The following ZNF384 variants were observed in gnomAD, a reference collection of about 807,000 sequenced individuals.
ZNF384 encodes the protein zinc finger protein 384, also known as CAG repeat protein 1.
ZNF384 carries 20 observed loss-of-function variants against 65.0 expected under a neutral mutation model. The ratio of observed to expected loss-of-function variants is 0.31; its 90% CI spans 0.22 to 0.45. The LOEUF is 0.45. Among genes scored for constraint, ZNF384 ranks in the 20% least tolerant of loss-of-function variants. ZNF384 has a pLI of 1.00. For missense variants in ZNF384, 549 were observed against 769.4 expected, an observed-to-expected ratio of 0.71 and a Z score of 3.39; for synonymous variants, 310 against 303.9, an observed-to-expected ratio of 1.02 and a Z score of -0.21.
At chr12:6,684,874 T>C (rs1020529989) in intron 2 of ZNF384, among the ~76,000 whole-genome samples, 2 of 152,158 alleles carry the variant, frequency 1.3e-5, no homozygotes, top group African/African-American at 4.8e-5. Context: ...TGGGGCCAGA[T>C]CACTCAAATA....
Position 6,678,265 on chromosome 12 carries a change from C to T in ZNF384, c.548G>A (p.Gly183Asp), listed in dbSNP as rs1296686563. The T allele has an allele frequency of 1.2e-6, 2 of 1,614,162 alleles. No homozygotes were observed. Among genetic ancestry groups the T allele is most frequent in the Admixed American group, 1.7e-5 (1 of 60,026 alleles). ...TEEGGGGGGG[G>D]GSVAPKPPRG... ...GGGTGGCTTAGGAGCCACACTGCCA[C>T]CTCCACCACCACCTCCGCCTCCTTC... Residue 183 changes from glycine to aspartate, a missense_variant, in exon 6 of 12, where the codon GGT becomes GAT. By Grantham distance (94) the Gly-to-Asp change is moderately conservative. This residue lies in a region of ZNF384 where 277 missense variants were observed against 337.2 expected (regional missense o/e 0.82). Coordinates refer to ENST00000683879, the MANE Select transcript of ZNF384 (RefSeq NM_001385745.1). The surrounding 1 kb of genome is among the most constrained non-coding windows in gnomAD (Gnocchi z 4.9).
In ZNF384 at chr12:6,667,664, A is replaced by C. The variant is rs375317183; in HGVS notation, c.*50T>G. 96 of 1,612,434 alleles carry C rather than the reference A, an allele frequency of 6.0e-5. 1 individual carries two copies. Among genetic ancestry groups the C allele is most frequent in the African/African-American group, 2.8e-4 (21 of 74,902 alleles). On this transcript the variant is annotated 3_prime_UTR_variant, in exon 12 of 12. Coordinates refer to ENST00000683879, the MANE Select transcript of ZNF384 (RefSeq NM_001385745.1). ...TTTCCCACCAAGAGTTGGAGAAAGA[A>C]GACACCAGGACTACTTCTTCCTCTT...
Position 6,670,860 on chromosome 12 carries a change from A to C in ZNF384, c.1188-22T>G, listed in dbSNP as rs1282260486. ...GATTCTGCACAGGATAAGAGAAAAAAGGGAAAGAATGTCAGCAAGACCATT... is the reference window on the plus strand; with the variant it reads ...GATTCTGCACAGGATAAGAGAAAAACGGGAAAGAATGTCAGCAAGACCATT... On this transcript the variant is annotated intron_variant, in intron 9 of 11. Coordinates refer to ENST00000683879, the MANE Select transcript of ZNF384 (RefSeq NM_001385745.1). The C allele has an allele frequency of 3.1e-6, 5 of 1,608,764 alleles. No individual in the cohort carries two copies. In the Admixed American group the frequency reaches 5.0e-5, roughly 16 times the overall value.
intron 2 of ZNF384, among the ~76,000 whole-genome samples, chr12:6,685,835 A>G (rs1450383538): frequency 6.6e-6 from 1 of 151,940 alleles, no homozygotes; most frequent in Admixed American, 6.6e-5. Context: ...GTTGGAGAGT[A>G]ATTTTCTCTT....
Position 6,669,057 on chromosome 12 carries a change from T to G in ZNF384, c.1399A>C (p.Thr467Pro). 1 of 1,612,386 alleles carries G rather than the reference T, an allele frequency of 6.2e-7. No individual in the cohort carries two copies. The highest frequency in any genetic ancestry group is 8.5e-7 in the Non-Finnish European group (1 of 1,178,898). ...GATGTGTATGCCCGACTGCAGATAGTGCAGGTGTACACCTTGGCATGCTTC... is the reference window on the plus strand; with the variant it reads ...GATGTGTATGCCCGACTGCAGATAGGGCAGGTGTACACCTTGGCATGCTTC... ...TVKHAKVYTC[T>P]ICSRAYTSET... The change falls in exon 11 of 12, where the codon ACT becomes CCT. Residue 467 changes from threonine (T) to proline (P), a missense_variant. Physicochemically the swap from Thr to Pro is conservative, Grantham distance 38. Transcript: ENST00000683879.
Position 6,672,993 on chromosome 12 carries a change from A to G in ZNF384, c.1004+223T>C. ...ATTTCCAAACACAGACACAGAGAGA[A>G]ACCACAAAAATTGTTCCAGACTTTG... On this transcript the variant is annotated intron_variant, in intron 8 of 11. Transcript: ENST00000683879. The surrounding 1 kb of genome is among the most constrained non-coding windows in gnomAD (Gnocchi z 4.4). 1.8e-6 allele frequency: 1 copy of G among 561,868 alleles called. No individual in the cohort carries two copies. Among genetic ancestry groups the G allele is most frequent in the Admixed American group, 3.1e-5 (1 of 32,124 alleles). 34.8% of individuals were successfully genotyped at this position (561,868 alleles called of 1,614,324 possible).
intron 7 of ZNF384, among the ~76,000 whole-genome samples, chr12:6,674,947 T>C (rs891841062): frequency 2.6e-5 from 4 of 152,254 alleles, no homozygotes; most frequent in African/African-American, 9.6e-5. Flanking sequence ...GAAGGGCAAC[T>C]GTACTAAAGT....
At chr12:6,674,065 T>C (rs1952584090) in intron 7 of ZNF384, among the ~76,000 whole-genome samples, 1 of 152,180 alleles carries the variant, frequency 6.6e-6, no homozygotes. Context: ...TACCCACCCC[T>C]TGCCCACAGC....
At chr12:6,677,846 CAA>C (rs1318030655) in intron 6 of ZNF384, among the ~76,000 whole-genome samples, 1 of 152,162 alleles carries the variant, frequency 6.6e-6, no homozygotes, top group Admixed American at 6.5e-5. Context: ...AGCCTTATTA[CAA>C]GAGAGAAATT....
intron 2 of ZNF384, among the ~76,000 whole-genome samples, chr12:6,680,087 G>A (rs1202288904): frequency 6.6e-6 from 1 of 152,204 alleles, no homozygotes; most frequent in Non-Finnish European, 1.5e-5. Context: ...CAGCCTCCCA[G>A]GGAGCTAGGC....
At chr12:6,676,606 G>A (rs1371799737) in intron 7 of ZNF384, among the ~76,000 whole-genome samples, 2 of 152,204 alleles carry the variant, frequency 1.3e-5, no homozygotes. Context: ...TCTATAGAGT[G>A]TTAAAGGATC....
chr12:6,669,701 C>G (rs1173401433), intron 10 of ZNF384, among the ~76,000 whole-genome samples: 1 of 152,036 alleles, frequency 6.6e-6, no homozygotes, highest in Non-Finnish European at 1.5e-5. Flanking sequence ...AAGGTTTCAC[C>G]GTGTTGGCCA....
At chr12:6,677,076 T>C in intron 7 of ZNF384, 91 bp downstream of exon 7, 1 of 376,172 alleles carries the variant, frequency 2.7e-6, no homozygotes, top group South Asian at 2.0e-5. Flanking sequence ...TCTTATCTGA[T>C]ATATACTCCC....
At chr12:6,669,269 G>C (rs189964610) in intron 10 of ZNF384, 80 bp from the exon 11 acceptor site, 1 of 1,448,928 alleles carries the variant, frequency 6.9e-7, no homozygotes, top group African/African-American at 1.4e-5. Context: ...AAAGCAAAAA[G>C]GTAGGTGTCA....
rs764698081 is a variant in ZNF384 at position 6,672,465 on chromosome 12, C to T, written c.1072G>A (p.Ala358Thr). The T allele has an allele frequency of 3.8e-5, 61 of 1,613,926 alleles. No individual in the cohort carries two copies. Among genetic ancestry groups the T allele is most frequent in the Non-Finnish European group, 4.8e-5 (57 of 1,180,012 alleles). The change falls in exon 9 of 12, where the codon GCC becomes ACC. Residue 358 changes from alanine (A) to threonine (T), a missense_variant. By Grantham distance (58) the Ala-to-Thr change is moderately conservative. Coordinates refer to ENST00000683879, the MANE Select transcript of ZNF384 (RefSeq NM_001385745.1). This position sits in a 1 kb window ranked among gnomAD's most constrained non-coding sequence, Gnocchi z 4.4. Reference protein sequence around the residue: ...HKCPHCSKTFANTSYLAQHLR... With the variant: ...HKCPHCSKTFTNTSYLAQHLR... ...TGCTGGGCCAGGTAGGAGGTGTTGGCGAAGGTCTTGGAGCAGTGCGGGCAC... is the reference window on the plus strand; with the variant it reads ...TGCTGGGCCAGGTAGGAGGTGTTGGTGAAGGTCTTGGAGCAGTGCGGGCAC...
intron 2 of ZNF384, among the ~76,000 whole-genome samples, chr12:6,681,997 A>G (rs1050084193): frequency 2.6e-5 from 4 of 152,076 alleles, no homozygotes; most frequent in African/African-American, 9.7e-5. Context: ...ATAGCTTTAC[A>G]AAGGGGTCTT....
At chr12:6,670,265 C>T (rs892279974) in intron 10 of ZNF384, among the ~76,000 whole-genome samples, 3 of 151,792 alleles carry the variant, frequency 2.0e-5, no homozygotes, top group South Asian at 2.1e-4. Context: ...CCCATCTCTA[C>T]GAAAATGAAA....
intron 2 of ZNF384, among the ~76,000 whole-genome samples, chr12:6,682,908 A>G (rs1592412389): frequency 6.6e-6 from 1 of 152,354 alleles, no homozygotes; most frequent in East Asian, 1.9e-4. Flanking sequence ...TTCAAGTCTC[A>G]ATGCATAATC....
chr12:6,682,319 CCAAAACAAAA>C (rs55997836), intron 2 of ZNF384, among the ~76,000 whole-genome samples: 26,868 of 140,470 alleles, frequency 0.19, 2,660 homozygotes, highest in African/African-American at 0.23. Context: ...GACCCCAACT[CCAAAACAAAA>C]CAAAACAAAA....
Sources: allele counts gnomAD v4.1 joint callset (sites outside exome capture counted in the v4.1 genomes callset), GRCh38; gene constraint gnomAD v4.1.1; regional missense constraint gnomAD v4.1.1; non-coding constraint Gnocchi (gnomAD v3.1); transcripts MANE v1.5; gene names NCBI Gene and HGNC (gene_info 2026-07-23, HGNC 2026-07-21).